THRA: variants seen among roughly 807,000 people sequenced by gnomAD.
THRA encodes EAR-7.
THRA carries 13 observed loss-of-function variants against 45.0 expected under a neutral mutation model. The ratio of observed to expected loss-of-function variants is 0.29; its 90% CI spans 0.19 to 0.46. The LOEUF (loss-of-function observed/expected upper bound fraction) is 0.46, where lower values mean the gene tolerates loss of function less well. Among genes scored for constraint, THRA ranks in the 20% least tolerant of loss-of-function variants. The probability of loss-of-function intolerance (pLI) is 1.00; values close to 1 mark genes in which losing one functional copy is unlikely to be tolerated. For missense variants in THRA, 278 were observed against 556.1 expected (o/e 0.50, Z 5.03); for synonymous variants, 195 against 214.0 (o/e 0.91, Z 0.78).
intron 2 of THRA, among the ~76,000 whole-genome samples, chr17:40,076,645 C>T (rs995211808): frequency 6.6e-6 from 1 of 152,042 alleles, no homozygotes; most frequent in African/African-American, 2.4e-5. Context: ...TGTGTTGGGG[C>T]TCTAGAATAT....
At chr17:40,069,416 C>T (rs1986696191) in intron 1 of THRA, among the ~76,000 whole-genome samples, 1 of 151,670 alleles carries the variant, frequency 6.6e-6, no homozygotes, top group African/African-American at 2.4e-5. Flanking sequence ...CCCTCCTAGG[C>T]CATGCTCTTC....
Position 40,092,501 on chromosome 17 carries a change from G to A in THRA, c.*3045G>A, listed in dbSNP as rs2145094965. Reference sequence around the variant, plus strand: ...CCTGCCCCACGTTGACAATCAGTATGTCTGTTATGTGCGATTTTTCACCCC... The same window carrying A: ...CCTGCCCCACGTTGACAATCAGTATATCTGTTATGTGCGATTTTTCACCCC... On this transcript the variant is annotated 3_prime_UTR_variant, in exon 9 of 9. Transcript: ENST00000450525. The A allele has an allele frequency of 6.5e-6, 1 of 154,808 alleles. No individual in the cohort carries two copies. Among genetic ancestry groups the A allele is most frequent in the Admixed American group, 6.3e-5 (1 of 15,864 alleles). 9.6% of individuals were successfully genotyped at this position (154,808 alleles called of 1,614,324 possible).
intron 1 of THRA, among the ~76,000 whole-genome samples, chr17:40,070,859 G>A (rs1265892985): frequency 2.7e-5 from 4 of 149,030 alleles, no homozygotes; most frequent in Non-Finnish European, 4.4e-5. Flanking sequence ...GACAGGGTAC[G>A]AAGCCCCCCA....
Position 40,083,822 on chromosome 17 carries a change from TC to T in THRA, c.223-8del. On this transcript the variant is annotated splice_polypyrimidine_tract_variant and intron_variant, in intron 4 of 8. Coordinates refer to ENST00000450525, the MANE Select transcript of THRA (RefSeq NM_199334.5). ...TGTCATGATCACAGCCTGCTCCATC[TC>T]CCCCACCCCAGGGCTTCTTTCGCCG... 6.3e-7 allele frequency: 1 copy of T among 1,586,462 alleles called. No homozygotes were observed. The highest frequency in any genetic ancestry group is 1.3e-5 in the African/African-American group (1 of 74,204).
At chr17:40,081,855 C>T (rs1311508875) in intron 4 of THRA, among the ~76,000 whole-genome samples, 2 of 151,646 alleles carry the variant, frequency 1.3e-5, no homozygotes, top group Admixed American at 1.3e-4. Context: ...CCCAGCTACT[C>T]GGGAGGCTGA....
chr17:40,086,672 C>G (rs1025726126), intron 6 of THRA, 35 bp from the exon 7 acceptor site: 10 of 1,604,028 alleles, frequency 6.2e-6, no homozygotes, highest in Non-Finnish European at 8.5e-6. Context: ...TGAAAGGGGT[C>G]TGCGGCCCCA....
intron 1 of THRA, among the ~76,000 whole-genome samples, chr17:40,067,889 G>A (rs1986628485): frequency 2.0e-5 from 3 of 152,244 alleles, no homozygotes; most frequent in South Asian, 2.1e-4. Context: ...GTGTGGTGGC[G>A]CATGCCTGTG....
chr17:40,092,724 G>A lies in THRA; in HGVS notation c.*3268G>A, dbSNP rs1315317509. Reference sequence around the variant, plus strand: ...CCCCACAAACTGACCAGATGGAGAGGTGGCCCCCCCCAGCCTTGGCAGTAT... The same window carrying A: ...CCCCACAAACTGACCAGATGGAGAGATGGCCCCCCCCAGCCTTGGCAGTAT... On this transcript the variant is annotated 3_prime_UTR_variant, in exon 9 of 9. Coordinates refer to ENST00000450525, the MANE Select transcript of THRA (RefSeq NM_199334.5). The A allele has an allele frequency of 2.8e-6, 1 of 355,602 alleles. No individual in the cohort carries two copies. The highest frequency in any genetic ancestry group is 5.2e-6 in the Non-Finnish European group (1 of 194,094). 22.0% of individuals were successfully genotyped at this position (355,602 alleles called of 1,614,324 possible). A position where few individuals can be genotyped will look rare whatever the true frequency, so the allele number is the denominator to read the frequency against.
At chr17:40,086,663 G>A in intron 6 of THRA, 44 bp from the exon 7 acceptor site, 8 of 1,601,008 alleles carry the variant, frequency 5.0e-6, no homozygotes, top group African/African-American at 1.3e-5. Context: ...GTGAGAGGCT[G>A]AAAGGGGTCT....
intron 1 of THRA, among the ~76,000 whole-genome samples, chr17:40,070,197 C>T (rs552830856): frequency 7.2e-5 from 11 of 152,104 alleles, no homozygotes; most frequent in Admixed American, 3.9e-4. Context: ...CAAGGGGTGC[C>T]GCCTCCCCTC....
chr17:40,088,137 A>T (rs1467420067), intron 7 of THRA, 105 bp from the exon 8 acceptor site: 1 of 1,454,808 alleles, frequency 6.9e-7, no homozygotes, highest in South Asian at 1.4e-5. Flanking sequence ...TTCAGAGTCC[A>T]TGGGGGCCTT....
Position 40,089,255 on chromosome 17 carries a change from G to A in THRA, c.1032G>A (p.Ala344=), listed in dbSNP as rs768319955. 4.3e-6 allele frequency: 7 copies of A among 1,614,056 alleles called. No homozygotes were observed. Among genetic ancestry groups the A allele is most frequent in the South Asian group, 2.2e-5 (2 of 91,084 alleles). Residue 344 remains alanine (A), a synonymous_variant, in exon 9 of 9, where the codon GCG becomes GCA. Coordinates refer to ENST00000450525, the MANE Select transcript of THRA (RefSeq NM_199334.5). This position sits in a 1 kb window ranked among gnomAD's most constrained non-coding sequence, Gnocchi z 6.1. ...CVDKIEKSQE[A]YLLAFEHYVN... is the part of the protein sequence containing the mutation. ...ACAAGATCGAGAAGAGTCAGGAGGC[G>A]TACCTGCTGGCGTTCGAGCACTACG...
chr17:40,065,334 T>C (rs1466098709), intron 1 of THRA, among the ~76,000 whole-genome samples: 1 of 152,188 alleles, frequency 6.6e-6, no homozygotes, highest in Admixed American at 6.5e-5. Context: ...CTGGCCCTTT[T>C]TCCCACCTGT....
intron 6 of THRA, among the ~76,000 whole-genome samples, chr17:40,085,968 T>C (rs1987307815): frequency 6.6e-6 from 1 of 152,126 alleles, no homozygotes; most frequent in African/African-American, 2.4e-5. Context: ...TAAAATTAGC[T>C]GGGCATGGGG....
At chr17:40,068,694 GGC>G (rs777129544) in intron 1 of THRA, among the ~76,000 whole-genome samples, 5 of 152,156 alleles carry the variant, frequency 3.3e-5, no homozygotes, top group Admixed American at 6.5e-5. Flanking sequence ...CCTCAGCAGT[GGC>G]CAAGAGCAGA....
chr17:40,089,139 A>C lies in THRA; in HGVS notation c.983-67A>C, dbSNP rs2145086769. 6.6e-7 allele frequency: 1 copy of C among 1,509,994 alleles called. No homozygotes were observed. The highest frequency in any genetic ancestry group is 1.4e-5 in the African/African-American group (1 of 69,332). 93.5% of individuals were successfully genotyped at this position (1,509,994 alleles called of 1,614,324 possible). On this transcript the variant is annotated intron_variant, in intron 8 of 8. Coordinates refer to ENST00000450525, the MANE Select transcript of THRA (RefSeq NM_199334.5). This position sits in a 1 kb window ranked among gnomAD's most constrained non-coding sequence, Gnocchi z 6.1. Reference sequence around the variant, plus strand: ...TAGTCCTTTCTTCCCACGTCCCCACACCTCACCCTCCCCATCTCCAGGCCT... The same window carrying C: ...TAGTCCTTTCTTCCCACGTCCCCACCCCTCACCCTCCCCATCTCCAGGCCT...
intron 1 of THRA, among the ~76,000 whole-genome samples, chr17:40,071,001 CT>C (rs1356318683): frequency 2.6e-5 from 4 of 151,844 alleles, no homozygotes; most frequent in Admixed American, 6.6e-5. Context: ...CTTCCTCTCC[CT>C]CTACTGCCTT....
At chr17:40,066,197 AG>A (rs1174519431) in intron 1 of THRA, among the ~76,000 whole-genome samples, 2 of 152,256 alleles carry the variant, frequency 1.3e-5, no homozygotes, top group Non-Finnish European at 2.9e-5. Flanking sequence ...GAATTTGAGG[AG>A]GGGGAACTCA....
At chr17:40,067,038 G>T (rs1010939352) in intron 1 of THRA, among the ~76,000 whole-genome samples, 3 of 152,208 alleles carry the variant, frequency 2.0e-5, no homozygotes, top group Non-Finnish European at 4.4e-5. Context: ...GTGGAGAATT[G>T]GGTCTCCTAG....
Sources: allele counts gnomAD v4.1 joint callset (sites outside exome capture counted in the v4.1 genomes callset), GRCh38; gene constraint gnomAD v4.1.1; non-coding constraint Gnocchi (gnomAD v3.1); transcripts MANE v1.5; gene names NCBI Gene and HGNC (gene_info 2026-07-23, HGNC 2026-07-21).